The following ALMS1 variants were observed in gnomAD, a reference collection of about 807,000 sequenced individuals.
ALMS1 encodes the protein ALMS1 centrosome and basal body associated protein.
Under a neutral mutation model 352.2 loss-of-function variants are expected in ALMS1, and 271 were observed. That is an observed-to-expected ratio of 0.77 (90% CI 0.70 to 0.85). ALMS1 has a LOEUF of 0.85. Among genes scored for constraint, ALMS1 ranks in the 40% least tolerant of loss-of-function variants. The pLI is 0.00. For missense variants in ALMS1, 5,445 were observed against 4,870.7 expected (o/e 1.12, Z -3.51); for synonymous variants, 1,865 against 1,761.2 (o/e 1.06, Z -1.48).
intron 21 of ALMS1, among the ~76,000 whole-genome samples, chr2:73,605,434 A>G (rs966799109): frequency 1.3e-5 from 2 of 152,242 alleles, no homozygotes; most frequent in Non-Finnish European, 2.9e-5. Flanking sequence ...TTACAAAATC[A>G]GGGAATAGAT....
chr2:73,403,298 T>C (rs1486557086), intron 1 of ALMS1, among the ~76,000 whole-genome samples: 2 of 152,234 alleles, frequency 1.3e-5, no homozygotes, highest in African/African-American at 4.8e-5. Context: ...TTCTATTCCC[T>C]ATTGTGTCTT....
intron 11 of ALMS1, among the ~76,000 whole-genome samples, chr2:73,528,082 T>C (rs1673829769): frequency 6.6e-6 from 1 of 152,206 alleles, no homozygotes; most frequent in Non-Finnish European, 1.5e-5. Flanking sequence ...TATTGATTTC[T>C]AGTTTTATTT....
intron 1 of ALMS1, among the ~76,000 whole-genome samples, chr2:73,397,751 C>T (rs973434033): frequency 6.6e-6 from 1 of 152,050 alleles, no homozygotes; most frequent in African/African-American, 2.4e-5. Flanking sequence ...TACAGGCGTG[C>T]GGTTTTGCTT....
At chr2:73,566,707 G>A (rs375458305) in intron 15 of ALMS1, among the ~76,000 whole-genome samples, 13 of 152,084 alleles carry the variant, frequency 8.5e-5, no homozygotes, top group Non-Finnish European at 1.3e-4. Flanking sequence ...GTCCCCACAG[G>A]TTATGGGTTC....
At chr2:73,461,457 C>T (rs1672200038) in intron 9 of ALMS1, among the ~76,000 whole-genome samples, 4 of 152,118 alleles carry the variant, frequency 2.6e-5, no homozygotes, top group Non-Finnish European at 2.9e-5. Flanking sequence ...CCCATCTGTA[C>T]GTCACCATCA....
At chr2:73,582,080 TCATC>T (rs1325073136) in intron 16 of ALMS1, among the ~76,000 whole-genome samples, 2 of 152,230 alleles carry the variant, frequency 1.3e-5, no homozygotes. Flanking sequence ...TGATTTTACT[TCATC>T]CAGTACAGTT....
chr2:73,603,349 C>A, intron 21 of ALMS1, 45 bp downstream of exon 21: 2 of 1,580,864 alleles, frequency 1.3e-6, no homozygotes, highest in South Asian at 1.1e-5. Flanking sequence ...GTAAACCAGG[C>A]CACCAAGTGG....
At chr2:73,466,496 A>AG (rs1261152930) in intron 9 of ALMS1, among the ~76,000 whole-genome samples, 1 of 19,350 alleles carries the variant, frequency 5.2e-5, no homozygotes. Context: ...GGGTGGGGGG[A>AG]GGGGGGAGGG....
chr2:73,543,695 A>C (rs1368284770), intron 12 of ALMS1, among the ~76,000 whole-genome samples: 2 of 152,250 alleles, frequency 1.3e-5, no homozygotes, highest in Non-Finnish European at 2.9e-5. Flanking sequence ...CCCCATCAAC[A>C]AGTGGGCGAA....
intron 13 of ALMS1, among the ~76,000 whole-genome samples, chr2:73,551,315 C>T (rs1674426988): frequency 6.6e-6 from 1 of 151,882 alleles, no homozygotes; most frequent in Non-Finnish European, 1.5e-5. Flanking sequence ...CCCCTGCAGG[C>T]AGGACATCCA....
At chr2:73,434,618 A>G (rs1390235079) in intron 7 of ALMS1, among the ~76,000 whole-genome samples, 1 of 152,102 alleles carries the variant, frequency 6.6e-6, no homozygotes, top group Non-Finnish European at 1.5e-5. Context: ...AGCTGTTCAA[A>G]TTTTCTGTTT....
At chr2:73,486,536 T>C (rs1011194841) in intron 9 of ALMS1, among the ~76,000 whole-genome samples, 1 of 152,230 alleles carries the variant, frequency 6.6e-6, no homozygotes, top group Non-Finnish European at 1.5e-5. Flanking sequence ...TTAGGGTTTT[T>C]TGTCTGTGTC....
intron 9 of ALMS1, among the ~76,000 whole-genome samples, chr2:73,485,429 C>G (rs1053270481): frequency 2.0e-4 from 30 of 152,346 alleles, no homozygotes; most frequent in African/African-American, 5.3e-4. Context: ...GCAGTCTGCC[C>G]GTTCTCAGAT....
intron 11 of ALMS1, among the ~76,000 whole-genome samples, chr2:73,532,720 C>T (rs1229158774): frequency 2.0e-5 from 3 of 152,052 alleles, no homozygotes; most frequent in African/African-American, 4.8e-5. Flanking sequence ...TGTACTCTAC[C>T]CCTCTGTGGC....
At chr2:73,606,703 TAGGAAACTACAACCCAGAGAGGGGA>T (rs903590389) in intron 21 of ALMS1, among the ~76,000 whole-genome samples, 16 of 152,200 alleles carry the variant, frequency 1.1e-4, no homozygotes, top group Admixed American at 8.5e-4. Context: ...TCTTAATATT[TAGGAAACTACAACCCAGAGAGGGGA>T]AGTAACCCAG....
intron 10 of ALMS1, among the ~76,000 whole-genome samples, chr2:73,504,408 C>G (rs1673278793): frequency 6.6e-6 from 1 of 152,172 alleles, no homozygotes; most frequent in African/African-American, 2.4e-5. Context: ...TCTAGTCACA[C>G]CCTGTTCCCT....
chr2:73,503,242 TC>T (rs1478627538), intron 10 of ALMS1, among the ~76,000 whole-genome samples: 3 of 152,058 alleles, frequency 2.0e-5, no homozygotes, highest in East Asian at 3.9e-4. Flanking sequence ...ATGCTATCCC[TC>T]CCCCCTTCCC....
chr2:73,497,794 TG>T (rs1455899569), intron 10 of ALMS1, among the ~76,000 whole-genome samples: 1 of 152,200 alleles, frequency 6.6e-6, no homozygotes, highest in Non-Finnish European at 1.5e-5. Flanking sequence ...CATTGGTTGA[TG>T]GGCATTTAGG....
rs774234846 is a variant in ALMS1, at chr2:73,448,029, C to G, written c.1502C>G (p.Pro501Arg). ...TTGAAGTCAGGCATCACTACCACTC[C>G]TGTTGATTCAGACATTGGATCTCAT... ...SNLKSGITTT[P>R]VDSDIGSHLS... is the part of the protein sequence containing the mutation. The change falls in exon 8 of 23, where the codon CCT becomes CGT. Residue 501 changes from proline (P) to arginine (R), a missense_variant. Coordinates refer to ENST00000613296, the MANE Select transcript of ALMS1 (RefSeq NM_001378454.1). 2 of 1,613,930 alleles carry G rather than the reference C, an allele frequency of 1.2e-6. No homozygotes were observed. Among genetic ancestry groups the G allele is most frequent in the Admixed American group, 3.3e-5 (2 of 60,016 alleles).
Sources: allele counts gnomAD v4.1 joint callset (sites outside exome capture counted in the v4.1 genomes callset), GRCh38; gene constraint gnomAD v4.1.1; transcripts MANE v1.5; gene names NCBI Gene and HGNC (gene_info 2026-07-23, HGNC 2026-07-21).